The following YAE1 variants were observed in gnomAD, a reference collection of about 807,000 sequenced individuals.
YAE1 encodes the protein YAE1 maturation factor of ABCE1.
YAE1 carries 22 observed loss-of-function variants against 23.0 expected under a neutral mutation model. That is an observed-to-expected ratio of 0.96 (90% confidence interval 0.68 to 1.37). The LOEUF (loss-of-function observed/expected upper bound fraction) is 1.37. YAE1 is among the 40% of genes most tolerant of loss of function. The pLI is 0.00. For synonymous variants in YAE1, 101 were observed against 97.0 expected, an observed-to-expected ratio of 1.04 and a Z score of -0.24; for missense variants, 260 against 262.1, an observed-to-expected ratio of 0.99 and a Z score of 0.06.
downstream of YAE1, among the ~76,000 whole-genome samples, chr7:39,573,146 T>A (rs1053463030): frequency 5.9e-5 from 9 of 152,126 alleles, no homozygotes; most frequent in African/African-American, 2.2e-4. Context: ...TATATAGATA[T>A]AGATATGTAG....
intron 2 of YAE1, among the ~76,000 whole-genome samples, chr7:39,602,592 A>T (rs1203947419): frequency 6.6e-6 from 1 of 152,252 alleles, no homozygotes; most frequent in East Asian, 1.9e-4. Context: ...ACCCAGAATG[A>T]CTACAGCTGC....
At chr7:39,569,337 T>A in intron 1 of YAE1, 1 of 337,102 alleles carries the variant, frequency 3.0e-6, no homozygotes, top group Non-Finnish European at 5.9e-6. Context: ...ATCAGTCTTC[T>A]GTTTTTATCA....
chr7:39,577,931 T>G (rs528404879), intron 2 of YAE1, among the ~76,000 whole-genome samples: 1 of 146,292 alleles, frequency 6.8e-6, no homozygotes, highest in African/African-American at 2.8e-5. Flanking sequence ...GTCAGCACTC[T>G]GTGTCTAGCT....
intron 2 of YAE1, among the ~76,000 whole-genome samples, chr7:39,581,314 T>C (rs968023048): frequency 6.6e-6 from 1 of 152,216 alleles, no homozygotes; most frequent in African/African-American, 2.4e-5. Flanking sequence ...TCTAGATAGA[T>C]TTTTAAACAC....
intron 1 of YAE1, chr7:39,569,524 C>T: frequency 2.0e-6 from 1 of 496,364 alleles, no homozygotes; most frequent in Admixed American, 2.5e-5. Context: ...AAAGGTTGAG[C>T]AGATTCTGAT....
At chr7:39,587,838 G>A (rs969685903) in intron 2 of YAE1, among the ~76,000 whole-genome samples, 1 of 152,006 alleles carries the variant, frequency 6.6e-6, no homozygotes, top group African/African-American at 2.4e-5. Flanking sequence ...CAATATATTC[G>A]TTATGAAAAG....
In YAE1 at chr7:39,572,520, T is replaced by C. The variant is rs749131805; in HGVS notation, c.495T>C (p.Ala165=). ...ATGAAAGACTCTGTGAAAATAATGC[T>C]GAGTTTAACAAAAACTGTAGCAAGA... ...AKDERLCENN[A]EFNKNCSKSH... The change falls in exon 3 of 3, where the codon GCT becomes GCC. Residue 165 remains alanine (A), a synonymous_variant. Coordinates refer to ENST00000223273, the MANE Select transcript of YAE1 (RefSeq NM_020192.5). 1 of 1,614,146 alleles carries C rather than the reference T, an allele frequency of 6.2e-7. No individual in the cohort carries two copies. Among genetic ancestry groups the C allele is most frequent in the South Asian group, 1.1e-5 (1 of 91,080 alleles).
chr7:39,609,853 G>A (rs1791183771), exon 3 of YAE1: 1 of 1,533,348 alleles, frequency 6.5e-7, no homozygotes, highest in East Asian at 2.5e-5. Context: ...CCGAGCCACC[G>A]CCGGCGTTTC....
intron 2 of YAE1, among the ~76,000 whole-genome samples, chr7:39,590,811 T>C (rs936302968): frequency 1.3e-5 from 2 of 152,214 alleles, no homozygotes; most frequent in African/African-American, 4.8e-5. Context: ...ATTTTTGGAT[T>C]AGGGACACTC....
chr7:39,602,585 C>T (rs572597329), intron 2 of YAE1, among the ~76,000 whole-genome samples: 47 of 152,320 alleles, frequency 3.1e-4, no homozygotes, highest in Non-Finnish European at 5.7e-4. Flanking sequence ...ATTTAAAACC[C>T]AGAATGACTA....
downstream of YAE1, among the ~76,000 whole-genome samples, chr7:39,576,390 C>T (rs1022845081): frequency 1.3e-5 from 2 of 152,146 alleles, no homozygotes; most frequent in African/African-American, 4.8e-5. Context: ...TTTTTCAGGT[C>T]TTGGCCCAAA....
chr7:39,590,655 A>AT (rs1375328342), intron 2 of YAE1, among the ~76,000 whole-genome samples: 8 of 152,332 alleles, frequency 5.3e-5, no homozygotes, highest in East Asian at 1.9e-4. Context: ...CTTTAAGGCC[A>AT]TTTTATACAC....
At chr7:39,607,246 C>T (rs906153754) in intron 2 of YAE1, among the ~76,000 whole-genome samples, 6 of 152,154 alleles carry the variant, frequency 3.9e-5, no homozygotes, top group African/African-American at 1.4e-4. Flanking sequence ...TGTCTATGTC[C>T]TACTCCCTGG....
In YAE1 at chr7:39,572,742, G is replaced by C. The variant is rs1562589747; in HGVS notation, c.*36G>C. 6.5e-7 allele frequency: 1 copy of C among 1,529,668 alleles called. No individual in the cohort carries two copies. The highest frequency in any genetic ancestry group is 1.4e-5 in the African/African-American group (1 of 71,998). The allele number at this position is 1,529,668 out of a possible 1,614,324, so 94.8% of individuals were successfully genotyped here. A position where few individuals can be genotyped will look rare whatever the true frequency, so the allele number is the denominator to read the frequency against. ...CCTTTTCTAATGAAAATAATGTTCA[G>C]AACATTTGGTTTCCTAACAATCGAA... is the stretch of plus-strand genomic sequence containing the variant. On this transcript the variant is annotated 3_prime_UTR_variant, in exon 3 of 3. Coordinates refer to ENST00000223273, the MANE Select transcript of YAE1 (RefSeq NM_020192.5).
chr7:39,591,022 G>A (rs1790893705), intron 2 of YAE1, among the ~76,000 whole-genome samples: 1 of 152,200 alleles, frequency 6.6e-6, no homozygotes, highest in Admixed American at 6.5e-5. Context: ...CCAAGATGAA[G>A]GTGTTGGCAG....
At chr7:39,606,989 A>C (rs571991764) in intron 2 of YAE1, among the ~76,000 whole-genome samples, 6 of 152,194 alleles carry the variant, frequency 3.9e-5, no homozygotes, top group Non-Finnish European at 8.8e-5. Context: ...AATTGACTCT[A>C]GTGGTTTGCT....
intron 2 of YAE1, among the ~76,000 whole-genome samples, chr7:39,571,163 G>C (rs1790557630): frequency 6.6e-6 from 1 of 152,036 alleles, no homozygotes; most frequent in African/African-American, 2.4e-5. Flanking sequence ...CCAGTGGCCT[G>C]CATATCACAT....
intron 1 of YAE1, chr7:39,566,832 A>G: frequency 3.0e-6 from 1 of 330,036 alleles, no homozygotes; most frequent in Non-Finnish European, 5.9e-6. Flanking sequence ...TGAGGATCAC[A>G]GGGAAAGGAG....
chr7:39,597,001 A>C (rs1055090795), intron 2 of YAE1, among the ~76,000 whole-genome samples: 1 of 152,196 alleles, frequency 6.6e-6, no homozygotes, highest in Non-Finnish European at 1.5e-5. Context: ...TTGCAATTTA[A>C]ATTTGTACCT....
Sources: gnomAD v4.1 joint callset for allele counts (sites outside exome capture counted in the v4.1 genomes callset) on GRCh38, gnomAD v4.1.1 for gene constraint, MANE v1.5 for transcripts, NCBI Gene and HGNC (gene_info 2026-07-23, HGNC 2026-07-21) for gene names.